The following CREB3L2 variants were observed in gnomAD, a reference collection of about 807,000 sequenced individuals.
The protein encoded by CREB3L2 is cAMP responsive element binding protein 3 like 2.
Under a neutral mutation model 57.2 loss-of-function variants are expected in CREB3L2, and 23 were observed. The observed-to-expected ratio is 0.40, with a 90% CI of 0.29 to 0.57. CREB3L2 has a LOEUF of 0.57. Among genes scored for constraint, CREB3L2 ranks in the 20% least tolerant of loss-of-function variants. CREB3L2 has a pLI of 0.42. For synonymous variants in CREB3L2, 268 were observed against 265.1 expected (o/e 1.01, Z -0.11); for missense variants, 628 against 634.7 (o/e 0.99, Z 0.11).
At chr7:137,923,030 C>T (rs925469922) in intron 2 of CREB3L2, among the ~76,000 whole-genome samples, 1 of 152,136 alleles carries the variant, frequency 6.6e-6, no homozygotes, top group Non-Finnish European at 1.5e-5. Context: ...GCCTATCTCC[C>T]CCTGGCCCGT....
intron 1 of CREB3L2, among the ~76,000 whole-genome samples, chr7:137,989,078 C>A (rs1156441301): frequency 6.6e-6 from 1 of 152,182 alleles, no homozygotes; most frequent in Non-Finnish European, 1.5e-5. Flanking sequence ...GTCTCCAATG[C>A]CAATTTTGAG....
intron 1 of CREB3L2, among the ~76,000 whole-genome samples, chr7:138,000,839 T>C (rs918798082): frequency 6.6e-6 from 1 of 152,142 alleles, no homozygotes; most frequent in Non-Finnish European, 1.5e-5. Flanking sequence ...TTAAAAGAAA[T>C]GTGCGTGCTC....
intron 1 of CREB3L2, among the ~76,000 whole-genome samples, chr7:137,996,241 T>C (rs550116047): frequency 1.4e-3 from 220 of 152,348 alleles, no homozygotes; most frequent in African/African-American, 5.1e-3. Context: ...AAATTTCTAG[T>C]GAAAGCTTAT....
chr7:137,936,122 C>T (rs1461622269), intron 1 of CREB3L2, among the ~76,000 whole-genome samples: 2 of 152,200 alleles, frequency 1.3e-5, no homozygotes, highest in African/African-American at 2.4e-5. Flanking sequence ...CACTAAGGTT[C>T]GCCCACTCAA....
At position 137,876,942 on chromosome 7, in the gene CREB3L2, C is replaced by G. The variant is rs1166081151; in HGVS notation, c.*3534G>C. ...TTCTGGACTGTGCTCAAATTCACAC[C>G]TTGTATGACATGTGGGCAGAGGAGC... On this transcript the variant is annotated 3_prime_UTR_variant, in exon 12 of 12. Transcript: ENST00000330387. The G allele has an allele frequency of 1.3e-5, 3 of 232,002 alleles. No homozygotes were observed. Among genetic ancestry groups the G allele is most frequent in the Non-Finnish European group, 2.6e-5 (3 of 117,348 alleles). The allele number at this position is 232,002 out of a possible 1,614,324, so 14.4% of individuals were successfully genotyped here.
intron 1 of CREB3L2, among the ~76,000 whole-genome samples, chr7:137,945,957 C>A (rs559944072): frequency 6.6e-6 from 1 of 152,272 alleles, no homozygotes; most frequent in Admixed American, 6.5e-5. Flanking sequence ...ATGACTTGAG[C>A]CACCAGCCAC....
chr7:137,985,848 T>G (rs1801783382), intron 1 of CREB3L2, among the ~76,000 whole-genome samples: 1 of 152,174 alleles, frequency 6.6e-6, no homozygotes, highest in Non-Finnish European at 1.5e-5. Flanking sequence ...CCTAAGAGGA[T>G]TCAGGTAAGA....
intron 8 of CREB3L2, among the ~76,000 whole-genome samples, chr7:137,900,674 C>T (rs1165176170): frequency 6.6e-6 from 1 of 151,502 alleles, no homozygotes; most frequent in East Asian, 1.9e-4. Context: ...CGTGGTGGCG[C>T]GTGCCTGTAG....
intron 10 of CREB3L2, chr7:137,884,692 T>A (rs1436787716): frequency 3.4e-6 from 2 of 593,112 alleles, no homozygotes; most frequent in Non-Finnish European, 6.0e-6. Context: ...CTTTCCCTCA[T>A]CTGCTTCCCT....
chr7:137,967,623 T>C (rs535413027), intron 1 of CREB3L2, among the ~76,000 whole-genome samples: 1 of 152,294 alleles, frequency 6.6e-6, no homozygotes, highest in East Asian at 1.9e-4. Context: ...TCAGACAGTT[T>C]GGTTCTGGCT....
intron 6 of CREB3L2, among the ~76,000 whole-genome samples, chr7:137,904,838 G>GAAA (rs58779744): frequency 1.5e-5 from 2 of 136,936 alleles, no homozygotes; most frequent in African/African-American, 2.7e-5. Context: ...GACTCTGTAT[G>GAAA]AAAAAAAAAA....
At chr7:137,911,910 G>T (rs528686201) in intron 4 of CREB3L2, among the ~76,000 whole-genome samples, 36 of 152,316 alleles carry the variant, frequency 2.4e-4, no homozygotes, top group African/African-American at 8.7e-4. Context: ...GCACAGAAGT[G>T]AGAAGAGCAG....
At chr7:137,956,351 G>A (rs2117279045) in intron 1 of CREB3L2, among the ~76,000 whole-genome samples, 1 of 152,336 alleles carries the variant, frequency 6.6e-6, no homozygotes, top group African/African-American at 2.4e-5. Context: ...TCTCAGGTCA[G>A]TGTCTGGTTT....
chr7:137,918,581 C>T (rs57136332), intron 2 of CREB3L2, among the ~76,000 whole-genome samples: 8,556 of 152,064 alleles, frequency 0.056, 786 homozygotes, highest in African/African-American at 0.2. Flanking sequence ...GAAATATAGC[C>T]TCAGTACAGG....
chr7:137,959,352 C>A (rs191127496), intron 1 of CREB3L2, among the ~76,000 whole-genome samples: 120 of 152,318 alleles, frequency 7.9e-4, no homozygotes, highest in African/African-American at 2.7e-3. Context: ...TAATGAGTGA[C>A]CCCCAAGGTC....
chr7:137,927,913 G>A (rs1800511926), intron 2 of CREB3L2, among the ~76,000 whole-genome samples: 1 of 152,140 alleles, frequency 6.6e-6, no homozygotes, highest in Non-Finnish European at 1.5e-5. Flanking sequence ...TAGGGTGAAA[G>A]AGAGTAATGA....
intron 1 of CREB3L2, among the ~76,000 whole-genome samples, chr7:137,956,025 A>G (rs1203937651): frequency 6.6e-6 from 1 of 152,170 alleles, no homozygotes; most frequent in Non-Finnish European, 1.5e-5. Context: ...TTGATGTTTA[A>G]AACACTAGCT....
chr7:137,997,622 G>A (rs1249215219), intron 1 of CREB3L2, among the ~76,000 whole-genome samples: 1 of 152,102 alleles, frequency 6.6e-6, no homozygotes, highest in Non-Finnish European at 1.5e-5. Context: ...CAGCTACTCT[G>A]GAGGCTGAGG....
chr7:137,906,639 C>T (rs951355357), intron 5 of CREB3L2, among the ~76,000 whole-genome samples: 21 of 152,180 alleles, frequency 1.4e-4, no homozygotes, highest in Non-Finnish European at 2.9e-4. Flanking sequence ...GGCTCTGTGT[C>T]CCCACCCAAA....
Sources: gnomAD v4.1 joint callset for allele counts (sites outside exome capture counted in the v4.1 genomes callset) on GRCh38, gnomAD v4.1.1 for gene constraint, MANE v1.5 for transcripts, NCBI Gene and HGNC (gene_info 2026-07-23, HGNC 2026-07-21) for gene names.